The following ATP2A2 variants were observed in gnomAD, a reference collection of about 807,000 sequenced individuals.
The protein encoded by ATP2A2 is sarcoplasmic/endoplasmic reticulum calcium ATPase 2.
Under a neutral mutation model 109.3 loss-of-function variants are expected in ATP2A2, and 14 were observed. The observed-to-expected ratio is 0.13, with a 90% CI of 0.08 to 0.20. The LOEUF (loss-of-function observed/expected upper bound fraction) is 0.20, where lower values mean the gene tolerates loss of function less well. Among genes scored for constraint, ATP2A2 ranks in the 10% least tolerant of loss-of-function variants. The pLI is 1.00. For synonymous variants in ATP2A2, 506 were observed against 490.9 expected (o/e 1.03, Z -0.41); for missense variants, 657 against 1,321.6 (o/e 0.50, Z 7.80).
Position 110,346,404 on chromosome 12 carries a change from C to T in ATP2A2, c.3063C>T (p.Leu1021=). The T allele has an allele frequency of 6.2e-7, 1 of 1,614,228 alleles. No individual in the cohort carries two copies. Residue 1021 remains leucine (L), a synonymous_variant, in exon 20 of 20, where the codon CTC becomes CTT. Transcript: ENST00000539276. ...TDGISWPFVL[L]IMPLVIWVYS... ...GGATTTCCTGGCCGTTTGTGCTGCT[C>T]ATAATGCCCCTGGTGATCTGGGTCT...
At chr12:110,313,310 C>CTTTTTTTTT (rs748790705) in intron 5 of ATP2A2, among the ~76,000 whole-genome samples, 3 of 113,202 alleles carry the variant, frequency 2.7e-5, no homozygotes, top group East Asian at 2.3e-4. Flanking sequence ...ACCACCTTTC[C>CTTTTTTTTT]TTTTTTTTTT....
chr12:110,349,450 A>C lies in ATP2A2; in HGVS notation c.*2980A>C. The C allele has an allele frequency of 1.0e-6, 1 of 985,514 alleles. No homozygotes were observed. Among genetic ancestry groups the C allele is most frequent in the Non-Finnish European group, 1.2e-6 (1 of 829,972 alleles). The allele number at this position is 985,514 out of a possible 1,614,324, so 61.0% of individuals were successfully genotyped here. ...CTCTCTGAGCTTTGCCCAGAAGACC[A>C]ACAATCATACATACCCTAACTGGGA... On this transcript the variant is annotated 3_prime_UTR_variant, in exon 20 of 20. Coordinates refer to ENST00000539276, the MANE Select transcript of ATP2A2 (RefSeq NM_170665.4).
chr12:110,317,159 C>G (rs1876754746), intron 5 of ATP2A2, among the ~76,000 whole-genome samples: 1 of 152,026 alleles, frequency 6.6e-6, no homozygotes, highest in Admixed American at 6.6e-5. Flanking sequence ...ATTGGAAACA[C>G]GGTGAAAATT....
At chr12:110,331,994 T>G (rs1878388474) in intron 8 of ATP2A2, 1 of 157,384 alleles carries the variant, frequency 6.4e-6, no homozygotes, top group Non-Finnish European at 1.4e-5. Context: ...CATTCAGCTC[T>G]GCGGGCTCCT....
intron 4 of ATP2A2, among the ~76,000 whole-genome samples, chr12:110,293,495 A>G (rs996011502): frequency 6.7e-6 from 1 of 150,374 alleles, no homozygotes; most frequent in African/African-American, 2.5e-5. Flanking sequence ...CCCGGGATCA[A>G]GCAATTCTCC....
In ATP2A2 at chr12:110,349,034, A is replaced by G. The variant is rs1352879225; in HGVS notation, c.*2564A>G. 4 of 985,224 alleles carry G rather than the reference A, an allele frequency of 4.1e-6. No individual in the cohort carries two copies. In the African/African-American group the frequency reaches 5.2e-5, roughly 13 times the overall value. 61.0% of individuals were successfully genotyped at this position (985,224 alleles called of 1,614,324 possible). Reference sequence around the variant, plus strand: ...TGTCGCACAGCCCCTAGTTAGCTTCATGGTTTCTCAGCTTCAGACCCCTCC... The same window carrying G: ...TGTCGCACAGCCCCTAGTTAGCTTCGTGGTTTCTCAGCTTCAGACCCCTCC... On this transcript the variant is annotated 3_prime_UTR_variant, in exon 20 of 20. Transcript: ENST00000539276.
rs1211730383 is a variant in ATP2A2, at chr12:110,350,901, A to C, written c.*4431A>C. The C allele has an allele frequency of 6.5e-6, 1 of 154,668 alleles. No individual in the cohort carries two copies. The highest frequency in any genetic ancestry group is 2.4e-5 in the African/African-American group (1 of 41,480). The allele number at this position is 154,668 out of a possible 1,614,324, so 9.6% of individuals were successfully genotyped here. A position where few individuals can be genotyped will look rare whatever the true frequency, so the allele number is the denominator to read the frequency against. On this transcript the variant is annotated 3_prime_UTR_variant, in exon 20 of 20. Transcript: ENST00000539276. Reference sequence around the variant, plus strand: ...AATGTAACTTATTTAATGAAATCAGAAGCAGTAGACAGATGTTGGTGCAAT... The same window carrying C: ...AATGTAACTTATTTAATGAAATCAGCAGCAGTAGACAGATGTTGGTGCAAT...
At chr12:110,301,769 T>C (rs112996018) in intron 5 of ATP2A2, among the ~76,000 whole-genome samples, 86 of 152,346 alleles carry the variant, frequency 5.6e-4, no homozygotes, top group African/African-American at 1.9e-3. Context: ...AAACTTGCAT[T>C]GTGTGTATGT....
chr12:110,282,503 T>G, intron 1 of ATP2A2, 101 bp from the exon 2 acceptor site: 1 of 1,437,356 alleles, frequency 7.0e-7, no homozygotes, highest in South Asian at 1.1e-5. Context: ...CTTAGAATTG[T>G]AGCAGTTCTT....
chr12:110,282,267 C>T (rs934864259), intron 1 of ATP2A2, among the ~76,000 whole-genome samples: 1 of 152,222 alleles, frequency 6.6e-6, no homozygotes, highest in African/African-American at 2.4e-5. Flanking sequence ...GTTGGAAGGC[C>T]TCTGACCGTT....
intron 3 of ATP2A2, among the ~76,000 whole-genome samples, chr12:110,286,715 ACTT>A (rs1872701247): frequency 1.3e-5 from 2 of 150,620 alleles, no homozygotes; most frequent in Non-Finnish European, 3.0e-5. Context: ...AAAAAAAAAA[ACTT>A]GATGTAAATT....
At chr12:110,328,438 G>A (rs1251776208) in intron 8 of ATP2A2, among the ~76,000 whole-genome samples, 9 of 152,086 alleles carry the variant, frequency 5.9e-5, no homozygotes, top group South Asian at 2.1e-4. Flanking sequence ...GAGTGGTGGC[G>A]TGCACCTGTA....
chr12:110,291,640 CTTT>C (rs34738611), intron 3 of ATP2A2, among the ~76,000 whole-genome samples: 5 of 116,142 alleles, frequency 4.3e-5, no homozygotes, highest in South Asian at 2.9e-4. Context: ...GTGCTAGCCA[CTTT>C]TTTTTTTTTT....
chr12:110,298,767 T>G (rs995382445), intron 5 of ATP2A2, among the ~76,000 whole-genome samples: 8 of 152,284 alleles, frequency 5.3e-5, no homozygotes, highest in Middle Eastern at 3.4e-3. Flanking sequence ...CTATCACAGA[T>G]GTATTATTTT....
At position 110,326,635 on chromosome 12, in the gene ATP2A2, G is replaced by A. The variant is rs1027367852; in HGVS notation, c.630+160G>A. On this transcript the variant is annotated intron_variant, in intron 7 of 19. Transcript: ENST00000539276. ...TCAGAATATGGCAGTAACATAACGTGTGACTTAGATGTCTTTTAATTGGCA... is the reference window on the plus strand; with the variant it reads ...TCAGAATATGGCAGTAACATAACGTATGACTTAGATGTCTTTTAATTGGCA... Among the ~76,000 whole-genome samples the A allele has an allele frequency of 2.0e-5, 3 of 152,180 alleles. No individual in the cohort carries two copies. In the South Asian group the frequency reaches 6.2e-4, roughly 31 times the overall value.
At position 110,340,568 on chromosome 12, in the gene ATP2A2, A is replaced by G; in HGVS notation, c.1762-91A>G. The G allele has an allele frequency of 6.5e-6, 9 of 1,380,902 alleles. No individual in the cohort carries two copies. The highest frequency in any genetic ancestry group is 9.1e-6 in the Non-Finnish European group (9 of 991,434). 85.5% of individuals were successfully genotyped at this position (1,380,902 alleles called of 1,614,324 possible). A position where few individuals can be genotyped will look rare whatever the true frequency, so the allele number is the denominator to read the frequency against. ...AAAAAAAAAGAAAAAAAATGCAGAA[A>G]CCTGTCTCAATGTTTAACTGGGCAT... is the stretch of plus-strand genomic sequence containing the variant. On this transcript the variant is annotated intron_variant, in intron 13 of 19. Coordinates refer to ENST00000539276, the MANE Select transcript of ATP2A2 (RefSeq NM_170665.4). The surrounding 1 kb of genome is among the most constrained non-coding windows in gnomAD (Gnocchi z 6.0).
At position 110,340,817 on chromosome 12, in the gene ATP2A2, C is replaced by T; in HGVS notation, c.1920C>T (p.Ile640=). ...TAVAICRRIG[I]FGQDEDVTSK... The stretch of plus-strand genomic sequence containing the variant: ...TGGCCATCTGTCGCCGCATCGGCAT[C>T]TTCGGGCAGGATGAGGACGTGACGT... Residue 640 remains isoleucine (I), a synonymous_variant, in exon 14 of 20, where the codon ATC becomes ATT. Transcript: ENST00000539276. This position sits in a 1 kb window ranked among gnomAD's most constrained non-coding sequence, Gnocchi z 6.0. 6.2e-7 allele frequency: 1 copy of T among 1,614,246 alleles called. No individual in the cohort carries two copies. Among genetic ancestry groups the T allele is most frequent in the South Asian group, 1.1e-5 (1 of 91,082 alleles).
Position 110,347,201 on chromosome 12 carries a change from G to A in ATP2A2, c.*731G>A. On this transcript the variant is annotated 3_prime_UTR_variant, in exon 20 of 20. Transcript: ENST00000539276. ...TATGTCCCTTCACATAGTTTTTAAG[G>A]TTATTTATTTAAATGTCTAATGTAT... 8.4e-7 allele frequency: 1 copy of A among 1,192,356 alleles called. No individual in the cohort carries two copies. The highest frequency in any genetic ancestry group is 1.1e-6 in the Non-Finnish European group (1 of 944,396). The allele number at this position is 1,192,356 out of a possible 1,614,324, so 73.9% of individuals were successfully genotyped here.
At chr12:110,319,535 A>G (rs1477722275) in intron 5 of ATP2A2, among the ~76,000 whole-genome samples, 1 of 150,586 alleles carries the variant, frequency 6.6e-6, no homozygotes, top group Non-Finnish European at 1.5e-5. Context: ...CACCTTTCAT[A>G]TATTTTAGTA....
Sources: gnomAD v4.1 joint callset for allele counts (sites outside exome capture counted in the v4.1 genomes callset) on GRCh38, gnomAD v4.1.1 for gene constraint, Gnocchi (gnomAD v3.1) non-coding constraint, MANE v1.5 for transcripts, NCBI Gene and HGNC (gene_info 2026-07-23, HGNC 2026-07-21) for gene names.